Variants in CNTN5 observed in about 807,000 individuals in gnomAD.
CNTN5 encodes contactin-5.
A neutral mutation model predicts 129.1 loss-of-function variants in CNTN5; 77 were observed. That is an observed-to-expected ratio of 0.60 (90% CI 0.50 to 0.72). CNTN5 has a LOEUF of 0.72. CNTN5 is among the 30% of genes least tolerant of loss of function. The probability of loss-of-function intolerance (pLI) is 0.00; values close to 1 mark genes in which losing one functional copy is unlikely to be tolerated. For missense variants in CNTN5, 1,478 were observed against 1,328.8 expected, an observed-to-expected ratio of 1.11 and a Z score of -1.75; for synonymous variants, 509 against 465.6, an observed-to-expected ratio of 1.09 and a Z score of -1.20.
chr11:100,202,661 C>T (rs946979844), intron 15 of CNTN5, among the ~76,000 whole-genome samples: 1 of 151,930 alleles, frequency 6.6e-6, no homozygotes, highest in Admixed American at 6.6e-5. Flanking sequence ...TAAGCTAAAA[C>T]ATTTAAATAG....
intron 16 of CNTN5, among the ~76,000 whole-genome samples, chr11:100,242,542 G>A (rs1949763437): frequency 6.6e-6 from 1 of 152,138 alleles, no homozygotes; most frequent in Non-Finnish European, 1.5e-5. Flanking sequence ...GAATGCAAAA[G>A]GGAAGCAGGC....
At chr11:99,795,064 A>G (rs1565541194) in intron 3 of CNTN5, among the ~76,000 whole-genome samples, 1 of 152,192 alleles carries the variant, frequency 6.6e-6, no homozygotes, top group South Asian at 2.1e-4. Flanking sequence ...ATGCCAGTGA[A>G]TCATAGATTT....
intron 7 of CNTN5, among the ~76,000 whole-genome samples, chr11:99,953,452 C>G (rs560846954): frequency 3.4e-4 from 52 of 152,104 alleles, no homozygotes; most frequent in African/African-American, 1.2e-3. Flanking sequence ...AATAAAGCAG[C>G]GAAAATTCCA....
intron 1 of CNTN5, among the ~76,000 whole-genome samples, chr11:99,213,695 C>T (rs1175464188): frequency 6.6e-6 from 1 of 151,994 alleles, no homozygotes; most frequent in Non-Finnish European, 1.5e-5. Flanking sequence ...TCTCAGGTGA[C>T]TTCCCTTGCC....
At chr11:99,896,188 G>A (rs139391061) in intron 6 of CNTN5, among the ~76,000 whole-genome samples, 81 of 152,282 alleles carry the variant, frequency 5.3e-4, no homozygotes, top group African/African-American at 1.9e-3. Flanking sequence ...CTGACATATG[G>A]AGGAATAGTG....
intron 1 of CNTN5, among the ~76,000 whole-genome samples, chr11:99,284,523 G>A (rs1448691400): frequency 6.6e-6 from 1 of 150,654 alleles, no homozygotes; most frequent in East Asian, 2.0e-4. Flanking sequence ...TTTACCAGTG[G>A]TCTATTTAGG....
At chr11:99,114,034 T>A (rs916604783) in intron 1 of CNTN5, among the ~76,000 whole-genome samples, 7 of 152,160 alleles carry the variant, frequency 4.6e-5, no homozygotes, top group Non-Finnish European at 1.0e-4. Flanking sequence ...ATGTTTATGT[T>A]AGATTTCATA....
chr11:100,314,694 G>A (rs1951542842), intron 21 of CNTN5, among the ~76,000 whole-genome samples: 1 of 152,082 alleles, frequency 6.6e-6, no homozygotes, highest in Non-Finnish European at 1.5e-5. Context: ...AGAGAAGACG[G>A]CATCATTAAG....
intron 1 of CNTN5, among the ~76,000 whole-genome samples, chr11:99,063,943 C>G (rs74412251): frequency 0.014 from 2,136 of 152,152 alleles, 43 homozygotes; most frequent in African/African-American, 0.049. Context: ...ATTCAACTCT[C>G]ATATCACATA....
intron 8 of CNTN5, among the ~76,000 whole-genome samples, chr11:99,966,203 C>T (rs1951089665): frequency 1.3e-5 from 2 of 152,294 alleles, no homozygotes; most frequent in South Asian, 4.1e-4. Context: ...TAATAAGGGA[C>T]ATATGCAAAG....
At chr11:100,261,602 A>G (rs1329851198) in intron 17 of CNTN5, among the ~76,000 whole-genome samples, 2 of 152,210 alleles carry the variant, frequency 1.3e-5, no homozygotes, top group Admixed American at 1.3e-4. Flanking sequence ...AAACAGAGAT[A>G]CCGACCAATG....
intron 16 of CNTN5, among the ~76,000 whole-genome samples, chr11:100,253,724 T>C (rs1449314023): frequency 3.9e-5 from 6 of 152,150 alleles, no homozygotes; most frequent in Non-Finnish European, 1.5e-5. Flanking sequence ...ACCTTATCCT[T>C]AGTCGCTATT....
At chr11:99,213,391 C>T (rs977428608) in intron 1 of CNTN5, among the ~76,000 whole-genome samples, 7 of 131,396 alleles carry the variant, frequency 5.3e-5, no homozygotes, top group Non-Finnish European at 7.7e-5. Context: ...CATATATACA[C>T]GTGTATATAT....
intron 9 of CNTN5, among the ~76,000 whole-genome samples, chr11:100,054,504 C>G (rs1943117238): frequency 6.6e-6 from 1 of 151,728 alleles, no homozygotes. Flanking sequence ...TCTTGTAACT[C>G]CTTTTCTAGG....
intron 3 of CNTN5, among the ~76,000 whole-genome samples, chr11:99,784,544 G>T (rs1407917228): frequency 6.6e-6 from 1 of 152,086 alleles, no homozygotes; most frequent in Non-Finnish European, 1.5e-5. Flanking sequence ...ATGTGTGCAT[G>T]TGTCTTTATA....
intron 16 of CNTN5, among the ~76,000 whole-genome samples, chr11:100,236,526 G>A (rs1362215598): frequency 6.6e-6 from 1 of 152,100 alleles, no homozygotes; most frequent in Non-Finnish European, 1.5e-5. Flanking sequence ...TTTACTATTG[G>A]GGCATTCCTG....
chr11:99,490,212 T>A (rs1272967272), intron 2 of CNTN5, among the ~76,000 whole-genome samples: 1 of 152,214 alleles, frequency 6.6e-6, no homozygotes, highest in African/African-American at 2.4e-5. Flanking sequence ...AAAGAAGTGC[T>A]AAATTTGACA....
At chr11:99,459,907 C>T (rs1460023384) in intron 2 of CNTN5, among the ~76,000 whole-genome samples, 1 of 151,680 alleles carries the variant, frequency 6.6e-6, no homozygotes, top group Non-Finnish European at 1.5e-5. Flanking sequence ...GACATAGGCT[C>T]AAATATGCCT....
At position 99,762,388 on chromosome 11, in the gene CNTN5, T is replaced by C. The variant is rs920191188; in HGVS notation, c.56-57156T>C. 2.6e-5 allele frequency among the ~76,000 whole-genome samples: 4 copies of C among 152,058 alleles called. 1 individual carries two copies. Among genetic ancestry groups the C allele is most frequent in the African/African-American group, 9.7e-5 (4 of 41,370 alleles). ...TGCCTAGATTTTCTTTTAGGGTTTTTATGGTTTTAGGTCTAACGTTTAAGT... is the reference window on the plus strand; with the variant it reads ...TGCCTAGATTTTCTTTTAGGGTTTTCATGGTTTTAGGTCTAACGTTTAAGT... On this transcript the variant is annotated intron_variant, in intron 3 of 24. Coordinates refer to ENST00000524871, the MANE Select transcript of CNTN5 (RefSeq NM_014361.4).
Sources: gnomAD v4.1 joint callset for allele counts (sites outside exome capture counted in the v4.1 genomes callset) on GRCh38, gnomAD v4.1.1 for gene constraint, MANE v1.5 for transcripts, NCBI Gene and HGNC (gene_info 2026-07-23, HGNC 2026-07-21) for gene names.